TRPM7: variants seen among roughly 807,000 people sequenced by gnomAD.
TRPM7 encodes the protein LTRPC ion channel family member 7.
A neutral mutation model predicts 229.7 loss-of-function variants in TRPM7; 134 were observed. That is an observed-to-expected ratio of 0.58 (90% CI 0.51 to 0.67). TRPM7 has a LOEUF of 0.67. Among genes scored for constraint, TRPM7 ranks in the 30% least tolerant of loss-of-function variants. TRPM7 has a pLI of 0.00. For synonymous variants in TRPM7, 699 were observed against 715.2 expected, an observed-to-expected ratio of 0.98 and a Z score of 0.36; for missense variants, 1,901 against 2,210.0, an observed-to-expected ratio of 0.86 and a Z score of 2.80.
At chr15:50,635,092 C>G (rs772411667) in intron 7 of TRPM7, among the ~76,000 whole-genome samples, 1 of 151,362 alleles carries the variant, frequency 6.6e-6, no homozygotes, top group Non-Finnish European at 1.5e-5. Context: ...CCAAGATGGA[C>G]GGATCACAAG....
chr15:50,640,473 A>T (rs1227845972), intron 5 of TRPM7, among the ~76,000 whole-genome samples: 2 of 141,200 alleles, frequency 1.4e-5, no homozygotes, highest in Non-Finnish European at 3.1e-5. Context: ...TTTTTTTTAG[A>T]AAGTGTCTTA....
At chr15:50,623,487 G>GCCCCCC (rs570868762) in intron 12 of TRPM7, among the ~76,000 whole-genome samples, 1 of 113,156 alleles carries the variant, frequency 8.8e-6, no homozygotes, top group East Asian at 2.8e-4. Flanking sequence ...TTGCTGCCCC[G>GCCCCCC]CCCCCTCCCC....
chr15:50,686,304 G>T (rs2062359094), intron 1 of TRPM7, among the ~76,000 whole-genome samples: 1 of 152,178 alleles, frequency 6.6e-6, no homozygotes. Flanking sequence ...TCGGCTCAGG[G>T]GATTCCCGCG....
At chr15:50,636,482 C>T (rs185307394) in intron 7 of TRPM7, among the ~76,000 whole-genome samples, 23 of 152,298 alleles carry the variant, frequency 1.5e-4, no homozygotes, top group African/African-American at 5.5e-4. Context: ...TGAGCCAGCA[C>T]GCCCAGCCCA....
chr15:50,653,080 G>A lies in TRPM7; in HGVS notation c.123-4195C>T, dbSNP rs768176788. Among the ~76,000 whole-genome samples, 2 of 152,156 alleles carry A rather than the reference G, an allele frequency of 1.3e-5. 1 individual carries two copies. The highest frequency in any genetic ancestry group is 4.1e-4 in the South Asian group (2 of 4,830). The stretch of plus-strand genomic sequence containing the variant: ...GGGAAAAGATCACCTGAGCCCGGGA[G>A]GTCAAGTCTGCAGTGACTGTGACAC... On this transcript the variant is annotated intron_variant, in intron 3 of 38. Coordinates refer to ENST00000646667, the MANE Select transcript of TRPM7 (RefSeq NM_017672.6).
At chr15:50,641,085 C>A (rs1401522489) in intron 5 of TRPM7, among the ~76,000 whole-genome samples, 1 of 152,164 alleles carries the variant, frequency 6.6e-6, no homozygotes, top group South Asian at 2.1e-4. Flanking sequence ...ATGAAAATAG[C>A]ATCTTCGTAG....
chr15:50,643,680 T>C, intron 4 of TRPM7, 127 bp from the exon 5 acceptor site: 3 of 665,792 alleles, frequency 4.5e-6, no homozygotes, highest in Non-Finnish European at 7.6e-6. Flanking sequence ...TAGGCTATTT[T>C]CAATATATTT....
intron 36 of TRPM7, among the ~76,000 whole-genome samples, chr15:50,572,698 AC>A (rs1267276234): frequency 6.6e-6 from 1 of 152,238 alleles, no homozygotes; most frequent in Non-Finnish European, 1.5e-5. Flanking sequence ...GTTTTTCACA[AC>A]ATACACCACC....
rs1261599205 is a variant in TRPM7 at position 50,634,500 on chromosome 15, T to C, written c.889A>G (p.Ile297Val). Residue 297 changes from isoleucine (I) to valine (V), a missense_variant, in exon 8 of 39, where the codon ATC (isoleucine) becomes GTC (valine). By Grantham distance (29) the Ile-to-Val change is conservative (BLOSUM62 3). This residue lies in a region of TRPM7 where 794 missense variants were observed against 881.9 expected (regional missense o/e 0.90). Coordinates refer to ENST00000646667, the MANE Select transcript of TRPM7 (RefSeq NM_017672.6). ...TGAAGGTATTCAAGAACTGTGAGGATAACATTTGGCCCACCCTCAAATATA... is the reference window on the plus strand; with the variant it reads ...TGAAGGTATTCAAGAACTGTGAGGACAACATTTGGCCCACCCTCAAATATA... ...ALIFEGGPNV[I>V]LTVLEYLQES... The C allele has an allele frequency of 1.3e-6, 2 of 1,578,594 alleles. 1 individual carries two copies. Among genetic ancestry groups the C allele is most frequent in the African/African-American group, 2.8e-5 (2 of 72,314 alleles).
At chr15:50,679,538 A>ATATATATAT (rs1400383980) in intron 1 of TRPM7, among the ~76,000 whole-genome samples, 21 of 43,896 alleles carry the variant, frequency 4.8e-4, no homozygotes, top group Admixed American at 2.0e-3. Flanking sequence ...ATATATATAT[A>ATATATATAT]TTTTTTTTTT....
chr15:50,566,186 T>C (rs2053589860), intron 38 of TRPM7, among the ~76,000 whole-genome samples: 1 of 152,144 alleles, frequency 6.6e-6, no homozygotes, highest in African/African-American at 2.4e-5. Context: ...ATGTTTCTTT[T>C]ATAATAGAAT....
intron 1 of TRPM7, among the ~76,000 whole-genome samples, chr15:50,676,497 C>T (rs1596349222): frequency 6.6e-6 from 1 of 152,050 alleles, no homozygotes; most frequent in East Asian, 1.9e-4. Context: ...GATGGGAGGA[C>T]TGCTTGAGGC....
chr15:50,663,539 G>T (rs903733089), intron 1 of TRPM7, among the ~76,000 whole-genome samples: 1 of 152,096 alleles, frequency 6.6e-6, no homozygotes, highest in African/African-American at 2.4e-5. Flanking sequence ...AGTGACCTAG[G>T]TTATTAAATC....
chr15:50,566,084 C>CA (rs2053586444), intron 38 of TRPM7, among the ~76,000 whole-genome samples: 1 of 151,960 alleles, frequency 6.6e-6, no homozygotes, highest in African/African-American at 2.4e-5. Context: ...CTCGGCCTCC[C>CA]AAAGTGCTGG....
intron 38 of TRPM7, among the ~76,000 whole-genome samples, chr15:50,565,100 G>A (rs1329752807): frequency 6.6e-6 from 1 of 151,728 alleles, no homozygotes; most frequent in Non-Finnish European, 1.5e-5. Flanking sequence ...GCCTGCCTCA[G>A]CCTCCCAAGT....
intron 2 of TRPM7, among the ~76,000 whole-genome samples, chr15:50,658,413 A>G (rs1318715083): frequency 2.0e-5 from 3 of 151,908 alleles, no homozygotes; most frequent in Non-Finnish European, 4.4e-5. Context: ...TCTCTACAAA[A>G]AAAAAAATTA....
intron 1 of TRPM7, among the ~76,000 whole-genome samples, chr15:50,677,754 A>C (rs1037874630): frequency 2.0e-5 from 3 of 150,150 alleles, no homozygotes; most frequent in Non-Finnish European, 3.0e-5. Flanking sequence ...AAAAAAAAAA[A>C]AAAAAACAAA....
intron 38 of TRPM7, among the ~76,000 whole-genome samples, chr15:50,563,708 G>A (rs1024370378): frequency 6.6e-6 from 1 of 152,216 alleles, no homozygotes; most frequent in African/African-American, 2.4e-5. Context: ...TACTAAAGAT[G>A]CTTTATAGCA....
chr15:50,604,532 T>G (rs546649676), intron 21 of TRPM7: 1 of 156,302 alleles, frequency 6.4e-6, no homozygotes, highest in Non-Finnish European at 1.4e-5. Context: ...GATAGTGCCA[T>G]TGCACTCCAG....
Sources: gnomAD v4.1 joint callset for allele counts (sites outside exome capture counted in the v4.1 genomes callset) on GRCh38, gnomAD v4.1.1 for gene constraint, gnomAD v4.1.1 regional missense constraint, MANE v1.5 for transcripts, NCBI Gene and HGNC (gene_info 2026-07-23, HGNC 2026-07-21) for gene names.